STRN: variants seen among roughly 807,000 people sequenced by gnomAD.
STRN encodes the protein protein phosphatase 2 regulatory subunit B'''alpha.
STRN carries 53 observed loss-of-function variants against 96.3 expected under a neutral mutation model. The observed-to-expected ratio is 0.55, with a 90% CI of 0.44 to 0.69. STRN has a LOEUF of 0.69. Ranked by LOEUF, STRN falls within the 30% of genes least tolerant of loss-of-function variation. STRN has a pLI of 0.00. For synonymous variants in STRN, 428 were observed against 355.9 expected, an observed-to-expected ratio of 1.20 and a Z score of -2.28; for missense variants, 987 against 963.9, an observed-to-expected ratio of 1.02 and a Z score of -0.32.
Position 36,840,238 on chromosome 2 carries a change from G to A in STRN, c.*9218C>T, listed in dbSNP as rs550608512. 1.3e-5 allele frequency: 2 copies of A among 152,286 alleles called. No homozygotes were observed. The highest frequency in any genetic ancestry group is 4.8e-5 in the African/African-American group (2 of 41,442). The allele number at this position is 152,286 out of a possible 1,614,324, so 9.4% of individuals were successfully genotyped here. ...CAGGCTCAGGTTCCAGGCTAGAAAA[G>A]CTCCCTTTCAACTGATCAGAGGCCA... On this transcript the variant is annotated 3_prime_UTR_variant, in exon 18 of 18. Transcript: ENST00000263918.
At chr2:36,883,905 G>A in intron 9 of STRN, 27 bp downstream of exon 9, 1 of 1,321,564 alleles carries the variant, frequency 7.6e-7, no homozygotes, top group Non-Finnish European at 9.7e-7. Context: ...AGTGCATTTT[G>A]TGCTCCAGAG....
At chr2:36,915,057 C>G (rs1384904169) in intron 3 of STRN, among the ~76,000 whole-genome samples, 2 of 150,774 alleles carry the variant, frequency 1.3e-5, no homozygotes, top group Admixed American at 1.3e-4. Flanking sequence ...ATTAGCCAGG[C>G]CTGGTGGTGG....
Position 36,905,603 on chromosome 2 carries a change from G to A in STRN, c.428C>T (p.Thr143Ile). 1 of 1,612,894 alleles carries A rather than the reference G, an allele frequency of 6.2e-7. No homozygotes were observed. The highest frequency in any genetic ancestry group is 8.5e-7 in the Non-Finnish European group (1 of 1,179,848). ...GCTGTTTTGTTGTGGCTGCACTTCTGTTTCATTACCTTCATCTAGAAAACA... is the reference window on the plus strand; with the variant it reads ...GCTGTTTTGTTGTGGCTGCACTTCTATTTCATTACCTTCATCTAGAAAACA... ...PSYDSDEGNETEVQPQQNSQL... is the reference protein window; with the variant it reads ...PSYDSDEGNEIEVQPQQNSQL... The change falls in exon 4 of 18, where the codon ACA (threonine) becomes ATA (isoleucine). Residue 143 changes from threonine (T) to isoleucine (I), a missense_variant. Transcript: ENST00000263918.
In STRN at chr2:36,884,009, A is replaced by G; in HGVS notation, c.1109T>C (p.Leu370Ser). 1 of 1,448,416 alleles carries G rather than the reference A, an allele frequency of 6.9e-7. No individual in the cohort carries two copies. The highest frequency in any genetic ancestry group is 9.1e-7 in the Non-Finnish European group (1 of 1,094,834). The allele number at this position is 1,448,416 out of a possible 1,614,324, so 89.7% of individuals were successfully genotyped here. ...NLRDVDELPS[L>S]QPSVGSPSRP... Reference sequence around the variant, plus strand: ...GGAAGGTGAACCCACAGATGGCTGCAATGAAGGAAGTTCATCAACATCTCT... The same window carrying G: ...GGAAGGTGAACCCACAGATGGCTGCGATGAAGGAAGTTCATCAACATCTCT... The change falls in exon 9 of 18, where the codon TTG becomes TCG. Residue 370 changes from leucine (L) to serine (S), a missense_variant. Coordinates refer to ENST00000263918, the MANE Select transcript of STRN (RefSeq NM_003162.4).
chr2:36,897,839 T>G (rs956817413), intron 6 of STRN, among the ~76,000 whole-genome samples: 3 of 152,056 alleles, frequency 2.0e-5, no homozygotes, highest in Admixed American at 2.0e-4. Flanking sequence ...CCATGCAGTA[T>G]CACACATGGC....
At chr2:36,881,720 T>C (rs902727412) in intron 9 of STRN, among the ~76,000 whole-genome samples, 2 of 152,242 alleles carry the variant, frequency 1.3e-5, no homozygotes, top group Non-Finnish European at 2.9e-5. Flanking sequence ...GCTTACATAA[T>C]GCTTTTGTAC....
chr2:36,890,281 G>A (rs116179203), intron 7 of STRN, among the ~76,000 whole-genome samples: 90 of 152,166 alleles, frequency 5.9e-4, no homozygotes, highest in Non-Finnish European at 1.1e-3. Context: ...GGTACCCACT[G>A]TATTCTTCAA....
chr2:36,850,918 A>G, intron 16 of STRN, 82 bp downstream of exon 16: 1 of 1,128,948 alleles, frequency 8.9e-7, no homozygotes, highest in Non-Finnish European at 1.3e-6. Context: ...CGAAACCACC[A>G]AGAGACACCA....
chr2:36,966,213 G>T lies in STRN; in HGVS notation c.234+17C>A. 1.3e-6 allele frequency: 2 copies of T among 1,543,164 alleles called. No individual in the cohort carries two copies. Among genetic ancestry groups the T allele is most frequent in the Non-Finnish European group, 8.7e-7 (1 of 1,146,216 alleles). On this transcript the variant is annotated intron_variant, in intron 1 of 17. Coordinates refer to ENST00000263918, the MANE Select transcript of STRN (RefSeq NM_003162.4). The stretch of plus-strand genomic sequence containing the variant: ...AAAGAGGCGGGATGAAGACGGCCAG[G>T]CCGGGAGGGTCTTTACCTGCAGCTC...
intron 1 of STRN, among the ~76,000 whole-genome samples, chr2:36,955,146 T>C (rs1664853206): frequency 6.6e-6 from 1 of 152,186 alleles, no homozygotes; most frequent in South Asian, 2.1e-4. Flanking sequence ...CAGAAGCAGC[T>C]ACACAGAGTG....
At chr2:36,938,800 T>C (rs1487922845) in intron 1 of STRN, among the ~76,000 whole-genome samples, 2 of 152,202 alleles carry the variant, frequency 1.3e-5, no homozygotes, top group Non-Finnish European at 2.9e-5. Context: ...ACTTAGCAAG[T>C]TCTCTATTAG....
intron 1 of STRN, among the ~76,000 whole-genome samples, chr2:36,959,010 G>A (rs1221818634): frequency 6.6e-6 from 1 of 152,126 alleles, no homozygotes; most frequent in East Asian, 1.9e-4. Context: ...CAGCTACTCG[G>A]GAGGCTGAGG....
rs1558619716 is a variant in STRN at position 36,849,432 on chromosome 2, AGAAGGT to A, written c.*18_*23del. The A allele has an allele frequency of 3.1e-6, 5 of 1,612,486 alleles. No individual in the cohort carries two copies. On this transcript the variant is annotated 3_prime_UTR_variant, in exon 18 of 18. Coordinates refer to ENST00000263918, the MANE Select transcript of STRN (RefSeq NM_003162.4). ...TGCAGTTGATTACTTATAAACAGCT[AGAAGGT>A]GAAGATGATGCATTGCGTCATACAA...
At chr2:36,927,353 T>A (rs201386929) in intron 1 of STRN, among the ~76,000 whole-genome samples, 1 of 151,628 alleles carries the variant, frequency 6.6e-6, no homozygotes, top group Admixed American at 6.6e-5. Context: ...ACAAAAAATT[T>A]AAAAAATCAG....
chr2:36,848,057 C>CT lies in STRN; in HGVS notation c.*1398dup, dbSNP rs1445653797. Reference sequence around the variant, plus strand: ...GAAATAATGTCTTTATGACAGGAGACTAGGTCTAGATAGCAGGGTCTTCAG... The same window carrying CT: ...GAAATAATGTCTTTATGACAGGAGACTTAGGTCTAGATAGCAGGGTCTTCAG... On this transcript the variant is annotated 3_prime_UTR_variant, in exon 18 of 18. Coordinates refer to ENST00000263918, the MANE Select transcript of STRN (RefSeq NM_003162.4). The CT allele has an allele frequency of 1.3e-5, 2 of 152,072 alleles. No individual in the cohort carries two copies. The highest frequency in any genetic ancestry group is 2.9e-5 in the Non-Finnish European group (2 of 68,024). The allele number at this position is 152,072 out of a possible 1,614,324, so 9.4% of individuals were successfully genotyped here. A position where few individuals can be genotyped will look rare whatever the true frequency, so the allele number is the denominator to read the frequency against.
chr2:36,924,427 TAC>T (rs1670355302), intron 2 of STRN, among the ~76,000 whole-genome samples: 1 of 139,712 alleles, frequency 7.2e-6, no homozygotes, highest in Non-Finnish European at 1.6e-5. Context: ...CTAAAGAAAA[TAC>T]ATCAAATTGA....
chr2:36,938,232 C>T (rs1301240890), intron 1 of STRN, among the ~76,000 whole-genome samples: 3 of 151,998 alleles, frequency 2.0e-5, no homozygotes, highest in Non-Finnish European at 4.4e-5. Context: ...TCAAGATCAG[C>T]CTGGCTGACA....
In STRN at chr2:36,848,503, A is replaced by G. The variant is rs1296576189; in HGVS notation, c.*953T>C. ...CTGAAGCATGATTAGGTGGGTGTTG[A>G]TAAATGATTATTAGCAAATAAATTC... On this transcript the variant is annotated 3_prime_UTR_variant, in exon 18 of 18. Transcript: ENST00000263918. 6.6e-6 allele frequency: 1 copy of G among 152,200 alleles called. No individual in the cohort carries two copies. The highest frequency in any genetic ancestry group is 1.5e-5 in the Non-Finnish European group (1 of 68,014). The allele number at this position is 152,200 out of a possible 1,614,324, so 9.4% of individuals were successfully genotyped here.
intron 1 of STRN, among the ~76,000 whole-genome samples, chr2:36,938,649 G>C (rs1670766355): frequency 6.6e-6 from 1 of 151,996 alleles, no homozygotes; most frequent in Non-Finnish European, 1.5e-5. Context: ...CAAACTTCAA[G>C]GTTATTAAAA....
Sources: gnomAD v4.1 joint callset for allele counts (sites outside exome capture counted in the v4.1 genomes callset) on GRCh38, gnomAD v4.1.1 for gene constraint, MANE v1.5 for transcripts, NCBI Gene and HGNC (gene_info 2026-07-23, HGNC 2026-07-21) for gene names.